Variants in CHTF18 observed in about 807,000 individuals in gnomAD.
CHTF18 encodes the protein chromosome transmission fidelity protein 18 homolog.
In CHTF18, 151 loss-of-function variants were observed where a neutral mutation model predicts 113.4. The ratio of observed to expected loss-of-function variants is 1.33; its 90% CI spans 1.17 to 1.52. The LOEUF is 1.52. Ranked by LOEUF, CHTF18 falls within the 40% of genes most tolerant of loss-of-function variation. The pLI is 0.00. For missense variants in CHTF18, 1,982 were observed against 1,381.6 expected, an observed-to-expected ratio of 1.43 and a Z score of -6.89; for synonymous variants, 916 against 598.8, an observed-to-expected ratio of 1.53 and a Z score of -7.74.
At chr16:791,729 T>C in intron 8 of CHTF18, 122 bp from the exon 9 acceptor site, 1 of 1,450,228 alleles carries the variant, frequency 6.9e-7, no homozygotes, top group East Asian at 2.5e-5. Context: ...TCTTATTTGA[T>C]GGCTGGAGTG....
At chr16:793,663 G>A (rs758734858) in intron 14 of CHTF18, 3 of 546,454 alleles carry the variant, frequency 5.5e-6, no homozygotes, top group South Asian at 5.5e-5. Context: ...GGCAGGAGCA[G>A]CCAGCATGTC....
rs1456140054 is a variant in CHTF18, at chr16:789,531, C to T, written c.438-16C>T. ...CACGCTTGAGTTTCTGCCACTGAGC[C>T]CCGGTCTCTCTCCAGAGTCTCAGAA... On this transcript the variant is annotated splice_polypyrimidine_tract_variant and intron_variant, in intron 3 of 21. Transcript: ENST00000262315. The T allele has an allele frequency of 2.5e-6, 4 of 1,584,246 alleles. No individual in the cohort carries two copies. The highest frequency in any genetic ancestry group is 1.7e-5 in the Admixed American group (1 of 57,776).
rs760602273 is a variant in CHTF18, at chr16:792,465, C to T, written c.1353C>T (p.Ile451=). ...CCGCCATCAACGTCCTCCTGAGCAT[C>T]CTGAACCGCAAGGGGCCACAGGAGG... The part of the protein sequence containing the change: ...PVAAINVLLS[I]LNRKGPQEVG... The change falls in exon 11 of 22, where the codon ATC becomes ATT. Residue 451 remains isoleucine, a synonymous_variant. Coordinates refer to ENST00000262315, the MANE Select transcript of CHTF18 (RefSeq NM_022092.3). The T allele has an allele frequency of 3.2e-6, 5 of 1,575,992 alleles. No homozygotes were observed. The highest frequency in any genetic ancestry group is 4.3e-6 in the Non-Finnish European group (5 of 1,161,280).
At chr16:797,779 G>T (rs755137785) in intron 21 of CHTF18, 28 bp downstream of exon 21, 35 of 1,598,492 alleles carry the variant, frequency 2.2e-5, no homozygotes, top group Non-Finnish European at 2.6e-5. Flanking sequence ...GTGGGGTTGT[G>T]GGGGGCCTGG....
At chr16:790,755 C>T in intron 7 of CHTF18, 89 bp downstream of exon 7, 1 of 1,448,344 alleles carries the variant, frequency 6.9e-7, no homozygotes, top group Admixed American at 2.8e-5. Flanking sequence ...CACAGCCAAT[C>T]CACTGGGCCT....
chr16:794,116 C>G lies in CHTF18; in HGVS notation c.1865C>G (p.Ala622Gly). The G allele has an allele frequency of 1.2e-6, 2 of 1,612,358 alleles. No individual in the cohort carries two copies. Among genetic ancestry groups the G allele is most frequent in the Non-Finnish European group, 8.5e-7 (1 of 1,179,748 alleles). The change falls in exon 15 of 22, where the codon GCG becomes GGG. Residue 622 changes from alanine (A) to glycine (G), a missense_variant. Ala to Gly is a moderately conservative substitution (Grantham distance 60, BLOSUM62 0). Transcript: ENST00000262315. The stretch of plus-strand genomic sequence containing the variant: ...ACACTCCTGCTGGGTGACGGGGACG[C>G]GGGCTCCCTCACCTCCGCCTCACAG... ...ADTLLLGDGD[A>G]GSLTSASQRF...
chr16:796,383 G>T (rs760849641), intron 18 of CHTF18, among the ~76,000 whole-genome samples: 6 of 152,216 alleles, frequency 3.9e-5, no homozygotes, highest in Non-Finnish European at 8.8e-5. Context: ...CTGTGGGATG[G>T]CCATGGGGGT....
At chr16:790,309 G>GCCTGAGCCCT in intron 5 of CHTF18, 38 bp from the exon 6 acceptor site, 1 of 1,610,318 alleles carries the variant, frequency 6.2e-7, no homozygotes, top group East Asian at 2.2e-5. Context: ...TGGCGGGGCC[G>GCCTGAGCCCT]CCTGAGCCCT....
At chr16:794,542 G>C (rs113373983) in intron 15 of CHTF18, among the ~76,000 whole-genome samples, 7 of 152,176 alleles carry the variant, frequency 4.6e-5, no homozygotes, top group Non-Finnish European at 1.5e-5. Context: ...CTGGACTTAA[G>C]ATGCACATGG....
intron 7 of CHTF18, 153 bp downstream of exon 7, chr16:790,819 G>A (rs2042176853): frequency 7.0e-7 from 1 of 1,433,654 alleles, no homozygotes; most frequent in Non-Finnish European, 9.1e-7. Flanking sequence ...GGTGAACTGA[G>A]CACAGGGCTG....
At position 793,786 on chromosome 16, in the gene CHTF18, G is replaced by A. The variant is rs1320806803; in HGVS notation, c.1803-268G>A. ...GTGCTGCTCCTGGCCTGGACCCGGA[G>A]GGGGACTTTCCCTGGGGTCCCCTAA... On this transcript the variant is annotated intron_variant, in intron 14 of 21. Coordinates refer to ENST00000262315, the MANE Select transcript of CHTF18 (RefSeq NM_022092.3). 4 of 663,114 alleles carry A rather than the reference G, an allele frequency of 6.0e-6. No homozygotes were observed. The Admixed American group carries it at 9.0e-5, about 15-fold the overall frequency. 41.1% of individuals were successfully genotyped at this position (663,114 alleles called of 1,614,324 possible). A position where few individuals can be genotyped will look rare whatever the true frequency, so the allele number is the denominator to read the frequency against.
rs537367157 is a variant in CHTF18 at position 789,625 on chromosome 16, C to A, written c.516C>A (p.Pro172=). Residue 172 remains proline, a synonymous_variant, in exon 4 of 22, where the codon CCC becomes CCA. Transcript: ENST00000262315. ...AARNPVLRRP[P]ILEDYVHVTS... ...GCAATCCCGTCCTGAGGCGGCCCCCCATCTTGGAGGACTACGTCCACGTGA... is the reference window on the plus strand; with the variant it reads ...GCAATCCCGTCCTGAGGCGGCCCCCAATCTTGGAGGACTACGTCCACGTGA... The A allele has an allele frequency of 6.2e-7, 1 of 1,608,608 alleles. No homozygotes were observed. Among genetic ancestry groups the A allele is most frequent in the Non-Finnish European group, 8.5e-7 (1 of 1,179,778 alleles).
At chr16:793,086 G>C (rs1389457735) in intron 13 of CHTF18, 22 bp downstream of exon 13, 2 of 1,557,280 alleles carry the variant, frequency 1.3e-6, no homozygotes, top group Non-Finnish European at 8.7e-7. Flanking sequence ...GCAGGCACCG[G>C]GTGGGGTGGG....
rs781707691 is a variant in CHTF18, at chr16:792,547, G to T, written c.1435G>T (p.Gly479Trp). 24 of 1,596,732 alleles carry T rather than the reference G, an allele frequency of 1.5e-5. No homozygotes were observed. The highest frequency in any genetic ancestry group is 1.7e-4 in the Middle Eastern group (1 of 5,990). The change falls in exon 11 of 22, where the codon GGG becomes TGG. Residue 479 changes from glycine to tryptophan, a missense_variant. Gly to Trp is a radical substitution (Grantham distance 184, BLOSUM62 -2). Transcript: ENST00000262315. ...SGGGRRRRAEGGLLMRPIICI... is the reference protein window; with the variant it reads ...SGGGRRRRAEWGLLMRPIICI... ...AGGCGGCCGACGGCGCCGGGCAGAG[G>T]GGGGGCTCCTCATGAGGCCCATTAT... is the stretch of plus-strand genomic sequence containing the variant.
At position 797,135 on chromosome 16, in the gene CHTF18, C is replaced by T. The variant is rs553813862; in HGVS notation, c.2733+43C>T. The T allele has an allele frequency of 2.4e-4, 357 of 1,474,898 alleles. 3 individuals carry two copies. In the South Asian group the frequency reaches 3.4e-3, roughly 14 times the overall value. 91.4% of individuals were successfully genotyped at this position (1,474,898 alleles called of 1,614,324 possible). ...GTGGGGGTGGGACCAGGGTACATAC[C>T]TTTGGGGGTGTGGCTAGGGCAGTCA... On this transcript the variant is annotated intron_variant, in intron 20 of 21. Transcript: ENST00000262315.
At chr16:791,534 A>G (rs1450181169) in intron 8 of CHTF18, 164 bp downstream of exon 8, 2 of 1,435,216 alleles carry the variant, frequency 1.4e-6, no homozygotes, top group Non-Finnish European at 1.8e-6. Context: ...CGTTGCAGTA[A>G]CAACTCGGGG....
In CHTF18 at chr16:788,897, C is replaced by T. The variant is rs1472004101; in HGVS notation, c.92-34C>T. 5 of 1,505,384 alleles carry T rather than the reference C, an allele frequency of 3.3e-6. No individual in the cohort carries two copies. In the Admixed American group the frequency reaches 8.7e-5, roughly 26 times the overall value. The allele number at this position is 1,505,384 out of a possible 1,614,324, so 93.3% of individuals were successfully genotyped here. The stretch of plus-strand genomic sequence containing the variant: ...TCGCCGCTGGCGGGATCTGCTGTCT[C>T]GGGGCGGCCGCTGACAATCTCCTCT... On this transcript the variant is annotated intron_variant, in intron 1 of 21. Transcript: ENST00000262315.
At chr16:790,796 T>A (rs556792953) in intron 7 of CHTF18, 130 bp downstream of exon 7, 1 of 1,435,852 alleles carries the variant, frequency 7.0e-7, no homozygotes, top group East Asian at 2.5e-5. Flanking sequence ...GTTTGCCCTT[T>A]TGAGTTGTAG....
rs934132099 is a variant in CHTF18, at chr16:792,318, G to C, written c.1297G>C (p.Val433Leu). ...LGAGGKPNCLVIDEIDGAPVA... is the reference protein window; with the variant it reads ...LGAGGKPNCLLIDEIDGAPVA... ...TGCTGGCGGGAAGCCCAACTGCCTGGTCATCGATGAGATCGACGGGGCCCC... is the reference window on the plus strand; with the variant it reads ...TGCTGGCGGGAAGCCCAACTGCCTGCTCATCGATGAGATCGACGGGGCCCC... Residue 433 changes from valine to leucine, a missense_variant, in exon 10 of 22, where the codon GTC (valine) becomes CTC (leucine). Physicochemically the swap from Val to Leu is conservative, Grantham distance 32. Coordinates refer to ENST00000262315, the MANE Select transcript of CHTF18 (RefSeq NM_022092.3). The C allele has an allele frequency of 5.2e-6, 8 of 1,553,070 alleles. No individual in the cohort carries two copies. In the African/African-American group the frequency reaches 1.1e-4, roughly 21 times the overall value.
Sources: gnomAD v4.1 joint callset for allele counts (sites outside exome capture counted in the v4.1 genomes callset) on GRCh38, gnomAD v4.1.1 for gene constraint, MANE v1.5 for transcripts, NCBI Gene and HGNC (gene_info 2026-07-23, HGNC 2026-07-21) for gene names.